The following SH3BP5 variants were observed in gnomAD, a reference collection of about 807,000 sequenced individuals.
SH3BP5 encodes the protein SH3 domain-binding protein 5.
SH3BP5 carries 22 observed loss-of-function variants against 43.3 expected under a neutral mutation model. The ratio of observed to expected loss-of-function variants is 0.51; its 90% CI spans 0.36 to 0.73. The LOEUF is 0.73. Ranked by LOEUF, SH3BP5 falls within the 30% of genes least tolerant of loss-of-function variation. The pLI, the probability that SH3BP5 is intolerant of heterozygous loss-of-function variation, is 0.00. For missense variants in SH3BP5, 529 were observed against 586.9 expected, an observed-to-expected ratio of 0.90 and a Z score of 1.02; for synonymous variants, 255 against 225.8, an observed-to-expected ratio of 1.13 and a Z score of -1.16.
intron 2 of SH3BP5, among the ~76,000 whole-genome samples, chr3:15,307,871 C>T (rs942111519): frequency 1.3e-5 from 2 of 152,216 alleles, no homozygotes; most frequent in East Asian, 1.9e-4. Context: ...GGCCTACAGC[C>T]GGTCACATCA....
chr3:15,332,618 G>A, upstream of SH3BP5: 3 of 1,184,848 alleles, frequency 2.5e-6, no homozygotes, highest in South Asian at 4.1e-5. Flanking sequence ...TTTCTGCCGC[G>A]GCAGTCAGCG....
chr3:15,277,389 G>A (rs938297264), intron 3 of SH3BP5, among the ~76,000 whole-genome samples: 5 of 152,210 alleles, frequency 3.3e-5, no homozygotes, highest in Non-Finnish European at 5.9e-5. Context: ...AGTGGCCACC[G>A]TCACACAGGT....
chr3:15,330,711 G>A, intron 1 of SH3BP5, 145 bp from the exon 2 acceptor site: 1 of 1,401,180 alleles, frequency 7.1e-7, no homozygotes, highest in Non-Finnish European at 9.3e-7. Context: ...GCAAACAGTT[G>A]AGGCTTGACT....
At chr3:15,304,659 A>T (rs1269828275) in intron 2 of SH3BP5, among the ~76,000 whole-genome samples, 1 of 151,448 alleles carries the variant, frequency 6.6e-6, no homozygotes, top group Non-Finnish European at 1.5e-5. Context: ...TACTAAAAAT[A>T]CAAAAATTAG....
chr3:15,266,545 C>A (rs376770389), intron 4 of SH3BP5, among the ~76,000 whole-genome samples: 1 of 152,224 alleles, frequency 6.6e-6, no homozygotes, highest in South Asian at 2.1e-4. Flanking sequence ...ATCACCTTCC[C>A]ATAAAGGCTA....
At chr3:15,331,537 A>G (rs1698609221) in intron 1 of SH3BP5, among the ~76,000 whole-genome samples, 1 of 151,948 alleles carries the variant, frequency 6.6e-6, no homozygotes, top group African/African-American at 2.4e-5. Context: ...CTCGGCTTGG[A>G]AATTGTTTTT....
chr3:15,268,666 G>T (rs1168981132), intron 4 of SH3BP5, among the ~76,000 whole-genome samples: 2 of 152,172 alleles, frequency 1.3e-5, no homozygotes, highest in Non-Finnish European at 2.9e-5. Context: ...ACCCGATAGA[G>T]TTAGGCAGGG....
At chr3:15,314,414 G>C (rs1698135302) in intron 2 of SH3BP5, among the ~76,000 whole-genome samples, 1 of 152,064 alleles carries the variant, frequency 6.6e-6, no homozygotes, top group Non-Finnish European at 1.5e-5. Flanking sequence ...CCTGCTGGGA[G>C]GGGCTTTCAT....
intron 2 of SH3BP5, among the ~76,000 whole-genome samples, chr3:15,323,497 CA>C (rs892432979): frequency 2.7e-4 from 41 of 152,302 alleles, no homozygotes; most frequent in African/African-American, 7.9e-4. Context: ...TCAGGCTGGG[CA>C]GCTCTCAAAG....
intron 2 of SH3BP5, among the ~76,000 whole-genome samples, chr3:15,309,360 C>T (rs994931165): frequency 2.6e-5 from 4 of 151,608 alleles, no homozygotes; most frequent in South Asian, 2.1e-4. Context: ...GCCAAAAGGC[C>T]GAGAATCGAT....
chr3:15,312,689 GTA>G (rs1389868993), intron 2 of SH3BP5, among the ~76,000 whole-genome samples: 1 of 152,148 alleles, frequency 6.6e-6, no homozygotes, highest in Non-Finnish European at 1.5e-5. Context: ...TTCAGCACCT[GTA>G]TACGTTTGTT....
intron 2 of SH3BP5, among the ~76,000 whole-genome samples, chr3:15,324,241 C>T (rs1043797697): frequency 2.0e-5 from 3 of 152,222 alleles, no homozygotes; most frequent in African/African-American, 7.2e-5. Context: ...CTGGGGTCTG[C>T]AGGCCTCAAC....
chr3:15,291,824 A>C (rs1254680971), intron 3 of SH3BP5, among the ~76,000 whole-genome samples: 1 of 152,236 alleles, frequency 6.6e-6, no homozygotes, highest in Non-Finnish European at 1.5e-5. Context: ...TCTAAGTCTT[A>C]TCAGTCATTT....
intron 3 of SH3BP5, among the ~76,000 whole-genome samples, chr3:15,275,330 G>A (rs1234396408): frequency 6.6e-6 from 1 of 152,246 alleles, no homozygotes; most frequent in Non-Finnish European, 1.5e-5. Flanking sequence ...TCCAAAGTCA[G>A]AAACCAATCA....
chr3:15,275,874 G>A (rs928965433), intron 3 of SH3BP5: 1 of 152,026 alleles, frequency 6.6e-6, no homozygotes, highest in African/African-American at 2.4e-5. Context: ...ACAAAAATTA[G>A]CTGGGCATGG....
At chr3:15,333,975 G>A (rs1698669718), upstream of SH3BP5, among the ~76,000 whole-genome samples, 1 of 152,184 alleles carries the variant, frequency 6.6e-6, no homozygotes, top group African/African-American at 2.4e-5. Context: ...ACCTTCTCTG[G>A]TGGCTTGGAA....
intron 4 of SH3BP5, among the ~76,000 whole-genome samples, chr3:15,263,750 C>A (rs1212046511): frequency 6.6e-6 from 1 of 152,222 alleles, no homozygotes; most frequent in East Asian, 1.9e-4. Context: ...CAGAACAAGG[C>A]CTGCCTTGAA....
At chr3:15,263,289 T>C (rs926464208) in intron 4 of SH3BP5, among the ~76,000 whole-genome samples, 7 of 152,024 alleles carry the variant, frequency 4.6e-5, no homozygotes, top group Admixed American at 2.0e-4. Context: ...AATGGCCAAA[T>C]AGCAGCAGTG....
chr3:15,302,434 G>T (rs1184117845), intron 3 of SH3BP5, among the ~76,000 whole-genome samples: 1 of 152,186 alleles, frequency 6.6e-6, no homozygotes, highest in East Asian at 1.9e-4. Context: ...GGCCAGGGAA[G>T]AAAGAAGGGT....
Sources: allele counts gnomAD v4.1 joint callset (sites outside exome capture counted in the v4.1 genomes callset), GRCh38; gene constraint gnomAD v4.1.1; transcripts MANE v1.5; gene names NCBI Gene and HGNC (gene_info 2026-07-23, HGNC 2026-07-21).